The following SCHIP1 variants were observed in gnomAD, a reference collection of about 807,000 sequenced individuals.
The protein encoded by SCHIP1 is schwannomin interacting protein 1, also known as schwannomin-interacting protein 1.
In SCHIP1, 8 loss-of-function variants were observed where a neutral mutation model predicts 29.7. The ratio of observed to expected loss-of-function variants is 0.27; its 90% confidence interval spans 0.16 to 0.49. SCHIP1 has a LOEUF of 0.49. Ranked by LOEUF, SCHIP1 falls within the 20% of genes least tolerant of loss-of-function variation. The pLI is 0.99. For synonymous variants in SCHIP1, 76 were observed against 94.9 expected, an observed-to-expected ratio of 0.80 and a Z score of 1.16; for missense variants, 193 against 294.6, an observed-to-expected ratio of 0.66 and a Z score of 2.52.
chr3:159,656,564 A>G, the SCHIP1 span, among the ~76,000 whole-genome samples: 1 of 151,194 alleles, frequency 6.6e-6, no homozygotes, highest in African/African-American at 2.5e-5. Context: ...TAGATTACAA[A>G]TCATTTTTGG....
At chr3:159,716,883 G>C in the SCHIP1 span, among the ~76,000 whole-genome samples, 2 of 152,216 alleles carry the variant, frequency 1.3e-5, no homozygotes, top group Non-Finnish European at 2.9e-5. Context: ...TGTGCACCAA[G>C]TGGACCTAAT....
chr3:159,757,328 A>G, the SCHIP1 span, among the ~76,000 whole-genome samples: 1 of 152,200 alleles, frequency 6.6e-6, no homozygotes, highest in African/African-American at 2.4e-5. Flanking sequence ...CCTTGTGCAG[A>G]GAAACTCCCA....
chr3:159,530,844 C>G, the SCHIP1 span, among the ~76,000 whole-genome samples: 1 of 152,118 alleles, frequency 6.6e-6, no homozygotes, highest in Non-Finnish European at 1.5e-5. Flanking sequence ...TCAGGTTCTG[C>G]TTATAAAATA....
chr3:159,409,144 A>C, the SCHIP1 span, among the ~76,000 whole-genome samples: 1 of 152,236 alleles, frequency 6.6e-6, no homozygotes, highest in Non-Finnish European at 1.5e-5. Flanking sequence ...ACCTCAACAC[A>C]ATAAAAGCCA....
chr3:159,752,274 A>C, the SCHIP1 span, among the ~76,000 whole-genome samples: 1 of 152,224 alleles, frequency 6.6e-6, no homozygotes, highest in Non-Finnish European at 1.5e-5. Context: ...ACAAATAGAT[A>C]CAAAGGTAAG....
At chr3:159,807,217 G>T in the SCHIP1 span, among the ~76,000 whole-genome samples, 1 of 152,204 alleles carries the variant, frequency 6.6e-6, no homozygotes. Flanking sequence ...CTTAAGAGTT[G>T]TAAGTCTATC....
chr3:159,465,125 A>G, the SCHIP1 span, among the ~76,000 whole-genome samples: 1 of 152,098 alleles, frequency 6.6e-6, no homozygotes, highest in East Asian at 1.9e-4. Context: ...TTCTTCTAAG[A>G]AGTGCAAATT....
chr3:159,891,377 A>G (rs892776731), intron 5 of SCHIP1, among the ~76,000 whole-genome samples: 3 of 151,832 alleles, frequency 2.0e-5, no homozygotes, highest in African/African-American at 7.2e-5. Flanking sequence ...TTTCAAAAAA[A>G]GAAAAAGGAA....
upstream of SCHIP1, among the ~76,000 whole-genome samples, chr3:159,835,020 T>C (rs972325874): frequency 6.6e-6 from 1 of 152,170 alleles, no homozygotes; most frequent in Non-Finnish European, 1.5e-5. Context: ...ATCCACAGTA[T>C]TAATTTTTCT....
the SCHIP1 span, among the ~76,000 whole-genome samples, chr3:159,321,589 A>G: frequency 6.6e-6 from 1 of 151,950 alleles, no homozygotes; most frequent in Non-Finnish European, 1.5e-5. Flanking sequence ...TTATACTTTA[A>G]GTTTTAGGGT....
chr3:159,299,034 C>G, the SCHIP1 span, among the ~76,000 whole-genome samples: 2 of 151,896 alleles, frequency 1.3e-5, no homozygotes, highest in Admixed American at 1.3e-4. Flanking sequence ...GTTGAAAATT[C>G]TAGGATTTAC....
At chr3:159,694,537 C>CAAGAAAAAAAGA in the SCHIP1 span, among the ~76,000 whole-genome samples, 1 of 119,348 alleles carries the variant, frequency 8.4e-6, no homozygotes, top group African/African-American at 3.3e-5. Flanking sequence ...AAAGAAAAGA[C>CAAGAAAAAAAGA]AAGAAAGAAA....
the SCHIP1 span, among the ~76,000 whole-genome samples, chr3:159,582,602 GAT>G: frequency 6.6e-6 from 1 of 152,002 alleles, no homozygotes; most frequent in Non-Finnish European, 1.5e-5. Context: ...GGTTTTTTAA[GAT>G]ATAATGCTAT....
chr3:159,520,100 A>T, the SCHIP1 span, among the ~76,000 whole-genome samples: 1 of 150,752 alleles, frequency 6.6e-6, no homozygotes, highest in Non-Finnish European at 1.5e-5. Context: ...ATCAAATAAA[A>T]AAAAAAAAAA....
the SCHIP1 span, among the ~76,000 whole-genome samples, chr3:159,394,710 G>T: frequency 2.3e-4 from 35 of 152,166 alleles, no homozygotes; most frequent in Middle Eastern, 3.4e-3. Context: ...TGCTGGATTG[G>T]TTTTGCCAGT....
At chr3:159,627,072 C>T in the SCHIP1 span, among the ~76,000 whole-genome samples, 2 of 152,134 alleles carry the variant, frequency 1.3e-5, no homozygotes. Context: ...TTGTTCCACT[C>T]CCTGTGTCCA....
chr3:159,295,525 T>G, the SCHIP1 span, among the ~76,000 whole-genome samples: 1 of 152,144 alleles, frequency 6.6e-6, no homozygotes, highest in Non-Finnish European at 1.5e-5. Context: ...TCCCTCACAT[T>G]CTTCCTCAGG....
chr3:159,398,668 T>C, the SCHIP1 span, among the ~76,000 whole-genome samples: 1 of 152,076 alleles, frequency 6.6e-6, no homozygotes, highest in Non-Finnish European at 1.5e-5. Flanking sequence ...AGGTATTTTA[T>C]GGTAGAATAG....
chr3:159,611,613 G>GT, the SCHIP1 span, among the ~76,000 whole-genome samples: 1 of 152,020 alleles, frequency 6.6e-6, no homozygotes, highest in Non-Finnish European at 1.5e-5. Flanking sequence ...GGGTTGATGG[G>GT]TGCAGGAACC....
Sources: allele counts gnomAD v4.1 joint callset (sites outside exome capture counted in the v4.1 genomes callset), GRCh38; gene constraint gnomAD v4.1.1; transcripts MANE v1.5; gene names NCBI Gene and HGNC (gene_info 2026-07-23, HGNC 2026-07-21).